ZFHX3: variants seen among roughly 807,000 people sequenced by gnomAD.
ZFHX3 encodes zinc finger homeobox 3, also known as zinc finger homeobox protein 3.
ZFHX3 carries 42 observed loss-of-function variants against 279.1 expected under a neutral mutation model. That is an observed-to-expected ratio of 0.15 (90% CI 0.12 to 0.19). The LOEUF is 0.19. Ranked by LOEUF, ZFHX3 falls within the 10% of genes least tolerant of loss-of-function variation. ZFHX3 has a pLI of 1.00. For missense variants in ZFHX3, 4,981 were observed against 4,754.0 expected (o/e 1.05, Z -1.40); for synonymous variants, 2,293 against 1,957.8 (o/e 1.17, Z -4.52).
At chr16:73,277,912 G>A (rs1158583735) in intron 4 of ZFHX3, among the ~76,000 whole-genome samples, 16 of 152,084 alleles carry the variant, frequency 1.1e-4, no homozygotes, top group Admixed American at 9.8e-4. Flanking sequence ...GAGAGAGGCA[G>A]GGGAGATGCT....
At chr16:73,508,930 A>T (rs2019375649) in intron 2 of ZFHX3, among the ~76,000 whole-genome samples, 1 of 152,216 alleles carries the variant, frequency 6.6e-6, no homozygotes, top group Admixed American at 6.5e-5. Flanking sequence ...CCTGTACTGA[A>T]TCTACAAAGC....
At chr16:72,978,971 T>TA (rs1962476652) in intron 1 of ZFHX3, among the ~76,000 whole-genome samples, 1 of 152,112 alleles carries the variant, frequency 6.6e-6, no homozygotes, top group African/African-American at 2.4e-5. Context: ...CTCTCCTGGA[T>TA]AGATGAAGAG....
chr16:72,938,173 T>C (rs1416587105), intron 3 of ZFHX3, among the ~76,000 whole-genome samples: 3 of 152,254 alleles, frequency 2.0e-5, no homozygotes, highest in Non-Finnish European at 4.4e-5. Context: ...GGAGAGACAG[T>C]TCTGGAAAAC....
At chr16:72,885,288 T>C (rs1184019419) in intron 4 of ZFHX3, among the ~76,000 whole-genome samples, 1 of 152,226 alleles carries the variant, frequency 6.6e-6, no homozygotes, top group Admixed American at 6.5e-5. Flanking sequence ...CAAGGCTCTG[T>C]CCACTGGTGC....
At chr16:73,071,140 A>T (rs78646288) in intron 8 of ZFHX3, among the ~76,000 whole-genome samples, 1 of 150,716 alleles carries the variant, frequency 6.6e-6, no homozygotes, top group Non-Finnish European at 1.5e-5. Context: ...AAAAAAAAAA[A>T]AAGTCTGGAG....
intron 1 of ZFHX3, among the ~76,000 whole-genome samples, chr16:73,831,245 A>T (rs1960987888): frequency 6.6e-6 from 1 of 152,208 alleles, no homozygotes; most frequent in South Asian, 2.1e-4. Context: ...AATTGATGGC[A>T]AGCATCCCTG....
intron 4 of ZFHX3, among the ~76,000 whole-genome samples, chr16:72,842,218 T>C (rs2037360739): frequency 6.6e-6 from 1 of 152,108 alleles, no homozygotes; most frequent in Non-Finnish European, 1.5e-5. Flanking sequence ...TTGTTTTTTT[T>C]TTCTTTTTTC....
In ZFHX3 at chr16:72,798,706, C is replaced by G; in HGVS notation, c.3976G>C (p.Glu1326Gln). The change falls in exon 9 of 10, where the codon GAG (glutamate) becomes CAG (glutamine). Residue 1326 changes from glutamate to glutamine, a missense_variant. By Grantham distance (29) the Glu-to-Gln change is conservative. Transcript: ENST00000268489. ...GGCAAGATGTTCTTTCCCAGATCCT[C>G]TGAGGTTTCTGTTAAAAAAAAAAAA... is the stretch of plus-strand genomic sequence containing the variant. Reference protein sequence around the residue: ...EEAGKQPETSEDLGKNILPSA... With the variant: ...EEAGKQPETSQDLGKNILPSA... 6.6e-7 allele frequency: 1 copy of G among 1,526,224 alleles called. No homozygotes were observed. Among genetic ancestry groups the G allele is most frequent in the South Asian group, 1.3e-5 (1 of 77,336 alleles). 94.5% of individuals were successfully genotyped at this position (1,526,224 alleles called of 1,614,324 possible). A position where few individuals can be genotyped will look rare whatever the true frequency, so the allele number is the denominator to read the frequency against.
chr16:73,417,982 C>G, intron 3 of ZFHX3, among the ~76,000 whole-genome samples: 1 of 91,586 alleles, frequency 1.1e-5, no homozygotes, highest in African/African-American at 5.3e-5. Flanking sequence ...GAGCGAGACT[C>G]CATCTCAAAA....
At chr16:73,245,518 T>TA (rs548208225) in intron 5 of ZFHX3, among the ~76,000 whole-genome samples, 1 of 152,090 alleles carries the variant, frequency 6.6e-6, no homozygotes, top group South Asian at 2.1e-4. Context: ...GATGATGCCT[T>TA]AAAAAAATAG....
At chr16:73,742,427 G>T (rs562670101) in intron 1 of ZFHX3, among the ~76,000 whole-genome samples, 1 of 152,302 alleles carries the variant, frequency 6.6e-6, no homozygotes, top group Non-Finnish European at 1.5e-5. Flanking sequence ...CATCCAAAAT[G>T]GCCAAGACTT....
At chr16:73,186,679 C>T (rs922975664) in intron 5 of ZFHX3, among the ~76,000 whole-genome samples, 4 of 151,542 alleles carry the variant, frequency 2.6e-5, no homozygotes, top group Admixed American at 2.6e-4. Context: ...ATGTTTCATC[C>T]ATCCTATATT....
At chr16:73,129,027 T>C (rs539366117) in intron 7 of ZFHX3, among the ~76,000 whole-genome samples, 1 of 151,932 alleles carries the variant, frequency 6.6e-6, no homozygotes, top group Admixed American at 6.6e-5. Flanking sequence ...CCTTAAACCT[T>C]CCCCACACTC....
intron 5 of ZFHX3, among the ~76,000 whole-genome samples, chr16:73,229,080 G>T (rs13330316): frequency 2.0e-5 from 3 of 152,064 alleles, no homozygotes; most frequent in African/African-American, 7.3e-5. Context: ...TATTAGAGAT[G>T]GTCAGTATTG....
intron 1 of ZFHX3, among the ~76,000 whole-genome samples, chr16:73,688,463 G>A (rs1463240169): frequency 6.6e-6 from 1 of 152,004 alleles, no homozygotes; most frequent in Non-Finnish European, 1.5e-5. Context: ...CCCCAGGAAT[G>A]GAATTAGCAC....
chr16:73,371,069 C>A (rs1030276097), intron 3 of ZFHX3, among the ~76,000 whole-genome samples: 3 of 151,990 alleles, frequency 2.0e-5, no homozygotes, highest in Non-Finnish European at 4.4e-5. Flanking sequence ...TGGCTGTAAT[C>A]CCAGCACTTT....
At chr16:73,596,403 G>C (rs2052050790) in intron 2 of ZFHX3, among the ~76,000 whole-genome samples, 1 of 152,096 alleles carries the variant, frequency 6.6e-6, no homozygotes. Context: ...ATTGCCTCCA[G>C]GGTGGAGTTT....
intron 4 of ZFHX3, among the ~76,000 whole-genome samples, chr16:73,288,139 C>T (rs982916842): frequency 7.6e-6 from 1 of 132,084 alleles, no homozygotes; most frequent in African/African-American, 2.8e-5. Context: ...GGGTCTGGCT[C>T]TTTATCAGCC....
chr16:73,076,584 G>A (rs75126448), intron 8 of ZFHX3, among the ~76,000 whole-genome samples: 9 of 152,312 alleles, frequency 5.9e-5, no homozygotes, highest in African/African-American at 1.7e-4. Context: ...CATCATAAAA[G>A]TAATATCATC....
Sources: gnomAD v4.1 joint callset for allele counts (sites outside exome capture counted in the v4.1 genomes callset) on GRCh38, gnomAD v4.1.1 for gene constraint, MANE v1.5 for transcripts, NCBI Gene and HGNC (gene_info 2026-07-23, HGNC 2026-07-21) for gene names.